Variants in SLC6A7 observed in about 807,000 individuals in gnomAD.
SLC6A7 encodes the protein solute carrier family 6 member 7.
Under a neutral mutation model 73.1 loss-of-function variants are expected in SLC6A7, and 58 were observed. That is an observed-to-expected ratio of 0.79 (90% CI 0.64 to 0.99). SLC6A7 has a LOEUF of 0.99. Among genes scored for constraint, SLC6A7 ranks in the 50% least tolerant of loss-of-function variants. SLC6A7 has a pLI of 0.00. For synonymous variants in SLC6A7, 338 were observed against 338.7 expected, an observed-to-expected ratio of 1.00 and a Z score of 0.02; for missense variants, 783 against 831.4, an observed-to-expected ratio of 0.94 and a Z score of 0.72.
intron 1 of SLC6A7, among the ~76,000 whole-genome samples, chr5:150,191,249 G>A (rs1752768881): frequency 6.6e-6 from 1 of 152,194 alleles, no homozygotes; most frequent in Non-Finnish European, 1.5e-5. Context: ...TGTGTGAGGT[G>A]TGGGGAAGAA....
chr5:150,203,820 G>GTGGTGTGTGT lies in SLC6A7; in HGVS notation c.1200+41_1200+42insTGGTGTGTGT, dbSNP rs1554116761. 4.5e-5 allele frequency: 36 copies of GTGGTGTGTGT among 802,520 alleles called. No individual in the cohort carries two copies. The African/African-American group carries it at 5.8e-4, about 13-fold the overall frequency. The allele number at this position is 802,520 out of a possible 1,614,324, so 49.7% of individuals were successfully genotyped here. On this transcript the variant is annotated intron_variant, in intron 9 of 13. Transcript: ENST00000230671. Reference sequence around the variant, plus strand: ...GGCAGCAGGCACCCCGTGTGTGTGTGGTGTGTGTGTGTGTGTGTGTGTGTG... The same window carrying GTGGTGTGTGT: ...GGCAGCAGGCACCCCGTGTGTGTGTGTGGTGTGTGTGTGTGTGTGTGTGTGTGTGTGTGTG...
At position 150,190,253 on chromosome 5, in the gene SLC6A7, G is replaced by T. The variant is rs539255069; in HGVS notation, c.-75G>T. ...GGAGCCGCGGGGGCAAAGGCGCAGT[G>T]GCCAGCGGACCATCTCTCGTGCCCT... On this transcript the variant is annotated 5_prime_UTR_variant, in exon 1 of 14. Coordinates refer to ENST00000230671, the MANE Select transcript of SLC6A7 (RefSeq NM_014228.5). 3.2e-4 allele frequency: 411 copies of T among 1,298,372 alleles called. 1 individual carries two copies. The African/African-American group carries it at 5.6e-3, about 18-fold the overall frequency. 80.4% of individuals were successfully genotyped at this position (1,298,372 alleles called of 1,614,324 possible).
At chr5:150,201,252 G>A (rs750386687) in intron 6 of SLC6A7, 29 bp downstream of exon 6, 1 of 1,580,400 alleles carries the variant, frequency 6.3e-7, no homozygotes, top group East Asian at 2.3e-5. Flanking sequence ...GGTGCAGAGG[G>A]AGGGGCCAGG....
At chr5:150,199,459 A>C (rs1753257821) in intron 5 of SLC6A7, 93 bp downstream of exon 5, 3 of 857,278 alleles carry the variant, frequency 3.5e-6, no homozygotes, top group African/African-American at 1.7e-5. Context: ...GAGAAGATGA[A>C]GAGACTTCAG....
At position 150,204,005 on chromosome 5, in the gene SLC6A7, C is replaced by T; in HGVS notation, c.1299C>T (p.Ala433=). ...TGTTCTCAGGGCTCATCTGCGTGGC[C>T]ATGTACCTGATGGGGCTGATCCTCA... ...KAVFSGLICV[A]MYLMGLILTT... Residue 433 remains alanine, a synonymous_variant, in exon 10 of 14, where the codon GCC becomes GCT. Transcript: ENST00000230671. 1 of 1,613,670 alleles carries T rather than the reference C, an allele frequency of 6.2e-7. No homozygotes were observed. Among genetic ancestry groups the T allele is most frequent in the African/African-American group, 1.3e-5 (1 of 74,994 alleles).
At chr5:150,199,551 G>A (rs1210512676) in intron 5 of SLC6A7, among the ~76,000 whole-genome samples, 185 bp downstream of exon 5, 3 of 152,156 alleles carry the variant, frequency 2.0e-5, no homozygotes, top group Non-Finnish European at 4.4e-5. Context: ...AGGACGCACG[G>A]GGGCAAGGCT....
chr5:150,196,668 T>A lies in SLC6A7; in HGVS notation c.218-48T>A, dbSNP rs113336494. 6.5e-4 allele frequency: 1,026 copies of A among 1,584,728 alleles called. 11 individuals carry two copies. In the African/African-American group the frequency reaches 0.013, roughly 20 times the overall value. ...AGGGGCGGGGCTAGAGCTGGGCTTT[T>A]GGGGGAGCTGCCCCCAAGGCCCTTG... is the stretch of plus-strand genomic sequence containing the variant. On this transcript the variant is annotated intron_variant, in intron 2 of 13. Transcript: ENST00000230671.
chr5:150,204,813 C>T lies in SLC6A7; in HGVS notation c.1433-14C>T, dbSNP rs975576917. 4 of 1,588,480 alleles carry T rather than the reference C, an allele frequency of 2.5e-6. No homozygotes were observed. The highest frequency in any genetic ancestry group is 3.5e-6 in the Non-Finnish European group (4 of 1,157,120). ...CGGCGGGTGGGGCCATTCCTCCTCCCCTCCCCTGTGCAGGCATTCAGAGGT... is the reference window on the plus strand; with the variant it reads ...CGGCGGGTGGGGCCATTCCTCCTCCTCTCCCCTGTGCAGGCATTCAGAGGT... On this transcript the variant is annotated splice_polypyrimidine_tract_variant and intron_variant, in intron 11 of 13. Transcript: ENST00000230671.
rs543812819 is a variant in SLC6A7, at chr5:150,209,563, C to T, written c.1859C>T (p.Thr620Met). The T allele has an allele frequency of 1.4e-5, 22 of 1,613,686 alleles. No individual in the cohort carries two copies. The highest frequency in any genetic ancestry group is 2.7e-5 in the African/African-American group (2 of 74,940). Residue 620 changes from threonine (T) to methionine (M), a missense_variant, in exon 14 of 14, where the codon ACG becomes ATG. Transcript: ENST00000230671. Reference protein sequence around the residue: ...KYGGITSFENTAIEVDREIAE... With the variant: ...KYGGITSFENMAIEVDREIAE... ...GGGGGCATCACCAGCTTCGAGAACACGGCCATCGAGGTGGACCGTGAGATT... is the reference window on the plus strand; with the variant it reads ...GGGGGCATCACCAGCTTCGAGAACATGGCCATCGAGGTGGACCGTGAGATT...
intron 13 of SLC6A7, 61 bp downstream of exon 13, chr5:150,205,684 C>G: frequency 7.0e-7 from 1 of 1,425,716 alleles, no homozygotes; most frequent in Non-Finnish European, 9.6e-7. Context: ...CCCTAGGTCC[C>G]CCTGCTAGAA....
intron 1 of SLC6A7, among the ~76,000 whole-genome samples, chr5:150,193,513 G>T (rs934010550): frequency 2.6e-5 from 4 of 152,160 alleles, no homozygotes; most frequent in African/African-American, 7.2e-5. Context: ...TCAGCATGCG[G>T]GGAGGGGGAG....
intron 5 of SLC6A7, 34 bp from the exon 6 acceptor site, chr5:150,201,055 C>G (rs898935512): frequency 6.2e-7 from 1 of 1,611,062 alleles, no homozygotes. Flanking sequence ...TCAAGGTCCC[C>G]GATGCCATCA....
intron 4 of SLC6A7, among the ~76,000 whole-genome samples, chr5:150,198,003 A>C (rs1325762750): frequency 6.6e-6 from 1 of 151,752 alleles, no homozygotes; most frequent in Non-Finnish European, 1.5e-5. Flanking sequence ...TTTTATGGTC[A>C]ATAAAACAAA....
intron 1 of SLC6A7, among the ~76,000 whole-genome samples, chr5:150,194,053 G>A (rs554112980): frequency 6.6e-6 from 1 of 152,294 alleles, no homozygotes; most frequent in South Asian, 2.1e-4. Flanking sequence ...AGTGCAGTGG[G>A]CACATAGTAA....
chr5:150,204,680 T>A, intron 11 of SLC6A7, 49 bp downstream of exon 11: 2 of 1,461,982 alleles, frequency 1.4e-6, no homozygotes, highest in Non-Finnish European at 1.9e-6. Context: ...AGTGGGAGAA[T>A]GGGAGTCTAC....
chr5:150,198,011 A>G (rs4601032), intron 4 of SLC6A7, among the ~76,000 whole-genome samples: 15,182 of 151,340 alleles, frequency 0.1, 1,082 homozygotes, highest in African/African-American at 0.2. Flanking sequence ...TCAATAAAAC[A>G]AAGCCTTGTC....
At position 150,196,835 on chromosome 5, in the gene SLC6A7, C is replaced by A. The variant is rs143588830; in HGVS notation, c.337C>A (p.Pro113Thr). ...LGPLAVWKISPLFKGAGAAML... is the reference protein window; with the variant it reads ...LGPLAVWKISTLFKGAGAAML... ...GCCCCTGGCTGTCTGGAAAATCAGC[C>A]CTCTCTTCAAAGGTGAGGCCTCAGT... The change falls in exon 3 of 14, where the codon CCT (proline) becomes ACT (threonine). Residue 113 changes from proline (P) to threonine (T), a missense_variant. Transcript: ENST00000230671. 27 of 1,613,920 alleles carry A rather than the reference C, an allele frequency of 1.7e-5. No individual in the cohort carries two copies. The highest frequency in any genetic ancestry group is 2.2e-5 in the Non-Finnish European group (26 of 1,179,958).
intron 1 of SLC6A7, among the ~76,000 whole-genome samples, 180 bp from the exon 2 acceptor site, chr5:150,194,548 C>T (rs1752926308): frequency 6.6e-6 from 1 of 152,070 alleles, no homozygotes; most frequent in Non-Finnish European, 1.5e-5. Flanking sequence ...GTTTTGGTCG[C>T]CTAAAATCCT....
intron 13 of SLC6A7, among the ~76,000 whole-genome samples, chr5:150,208,527 C>T (rs1293890803): frequency 6.6e-6 from 1 of 152,164 alleles, no homozygotes; most frequent in Non-Finnish European, 1.5e-5. Context: ...AGATGTGCAG[C>T]CATTGGCAGG....
Sources: gnomAD v4.1 joint callset for allele counts (sites outside exome capture counted in the v4.1 genomes callset) on GRCh38, gnomAD v4.1.1 for gene constraint, MANE v1.5 for transcripts, NCBI Gene and HGNC (gene_info 2026-07-23, HGNC 2026-07-21) for gene names.